PAPLN: variants seen among roughly 807,000 people sequenced by gnomAD.
PAPLN encodes papilin, proteoglycan like sulfated glycoprotein, also known as papilin.
A neutral mutation model predicts 159.0 loss-of-function variants in PAPLN; 146 were observed. The ratio of observed to expected loss-of-function variants is 0.92; its 90% CI spans 0.80 to 1.05. PAPLN has a LOEUF of 1.05. Among genes scored for constraint, PAPLN ranks in the 50% least tolerant of loss-of-function variants. The pLI is 0.00. For synonymous variants in PAPLN, 734 were observed against 702.9 expected, an observed-to-expected ratio of 1.04 and a Z score of -0.70; for missense variants, 1,720 against 1,743.9, an observed-to-expected ratio of 0.99 and a Z score of 0.24.
At position 73,264,351 on chromosome 14, in the gene PAPLN, C is replaced by T. The variant is rs1184827694; in HGVS notation, c.2986+16C>T. 1.2e-6 allele frequency: 2 copies of T among 1,608,914 alleles called. No individual in the cohort carries two copies. The highest frequency in any genetic ancestry group is 1.7e-6 in the Non-Finnish European group (2 of 1,177,004). The stretch of plus-strand genomic sequence containing the variant: ...CGCATCATAGGTCTCTGTCCCCACC[C>T]CATCCACCAGTGCGTTCTCAGGGGC... On this transcript the variant is annotated intron_variant, in intron 21 of 26. Coordinates refer to ENST00000644200, the MANE Select transcript of PAPLN (RefSeq NM_001365906.3).
At chr14:73,264,841 GGGCTCTGGGAGGCCA>G in intron 22 of PAPLN, 115 bp downstream of exon 22, 2 of 1,520,516 alleles carry the variant, frequency 1.3e-6, no homozygotes, top group Non-Finnish European at 8.9e-7. Flanking sequence ...CCCCTGCTCA[GGGCTCTGGGAGGCCA>G]GGCCTAGAAA....
In PAPLN at chr14:73,262,533, G is replaced by C. The variant is rs1357426263; in HGVS notation, c.2429G>C (p.Gly810Ala). 1.3e-6 allele frequency: 2 copies of C among 1,572,360 alleles called. No homozygotes were observed. Among genetic ancestry groups the C allele is most frequent in the Non-Finnish European group, 1.7e-6 (2 of 1,158,366 alleles). Residue 810 changes from glycine (G) to alanine (A), a missense_variant, in exon 19 of 27, where the codon GGG (glycine) becomes GCG (alanine). Physicochemically the swap from Gly to Ala is moderately conservative, Grantham distance 60. Coordinates refer to ENST00000644200, the MANE Select transcript of PAPLN (RefSeq NM_001365906.3). ...CMSSCQGSLHGPRRPQPGASG... is the reference protein window; with the variant it reads ...CMSSCQGSLHAPRRPQPGASG... ...AGCAGCTGCCAGGGATCTCTCCATG[G>C]GCCCCGTCGTCCCCAGCCTGGGGCT...
rs754464711 is a variant in PAPLN at position 73,264,348 on chromosome 14, A to T, written c.2986+13A>T. ...CTTCGCATCATAGGTCTCTGTCCCC[A>T]CCCCATCCACCAGTGCGTTCTCAGG... On this transcript the variant is annotated intron_variant, in intron 21 of 26. Coordinates refer to ENST00000644200, the MANE Select transcript of PAPLN (RefSeq NM_001365906.3). The T allele has an allele frequency of 3.1e-6, 5 of 1,608,670 alleles. No individual in the cohort carries two copies. Among genetic ancestry groups the T allele is most frequent in the Non-Finnish European group, 4.2e-6 (5 of 1,176,912 alleles).
Position 73,245,870 on chromosome 14 carries a change from G to T in PAPLN, c.231+174G>T, listed in dbSNP as rs1326101261. 1.1e-5 allele frequency: 10 copies of T among 936,856 alleles called. No homozygotes were observed. Among genetic ancestry groups the T allele is most frequent in the Non-Finnish European group, 1.6e-5 (10 of 635,914 alleles). 58.0% of individuals were successfully genotyped at this position (936,856 alleles called of 1,614,324 possible). On this transcript the variant is annotated intron_variant, in intron 4 of 26. Transcript: ENST00000644200. The surrounding 1 kb of genome is among the most constrained non-coding windows in gnomAD (Gnocchi z 4.2). ...GCCCCTTCCTCACCCTGCTCCCGGG[G>T]ACTGGCCTTGCCCTCCACAGCCTAG... is the stretch of plus-strand genomic sequence containing the variant.
At chr14:73,254,821 T>G in intron 13 of PAPLN, 56 bp from the exon 14 acceptor site, 7 of 1,600,934 alleles carry the variant, frequency 4.4e-6, no homozygotes, top group Non-Finnish European at 4.3e-6. Flanking sequence ...TCCATGTGGG[T>G]CCCCGCCCCC....
In PAPLN at chr14:73,253,057, G is replaced by C; in HGVS notation, c.1094+282G>C. The C allele has an allele frequency of 2.4e-6, 3 of 1,253,058 alleles. No individual in the cohort carries two copies. The South Asian group carries it at 3.7e-5, about 15-fold the overall frequency. 77.6% of individuals were successfully genotyped at this position (1,253,058 alleles called of 1,614,324 possible). A position where few individuals can be genotyped will look rare whatever the true frequency, so the allele number is the denominator to read the frequency against. On this transcript the variant is annotated intron_variant, in intron 11 of 26. Transcript: ENST00000644200. ...GAGAAGGTTCCAGAGGTCCCTGTCTGTCTGAGCCAGCAGAGGGTTTGGCTT... is the reference window on the plus strand; with the variant it reads ...GAGAAGGTTCCAGAGGTCCCTGTCTCTCTGAGCCAGCAGAGGGTTTGGCTT...
At chr14:73,238,691 A>C (rs1023974972) in intron 1 of PAPLN, among the ~76,000 whole-genome samples, 1 of 152,202 alleles carries the variant, frequency 6.6e-6, no homozygotes, top group Admixed American at 6.5e-5. Flanking sequence ...CTCCAACCCC[A>C]GGAATCTCGA....
chr14:73,248,822 C>T (rs1884904439), intron 5 of PAPLN, among the ~76,000 whole-genome samples: 1 of 149,542 alleles, frequency 6.7e-6, no homozygotes, highest in South Asian at 2.1e-4. Flanking sequence ...ATCTTGTCTC[C>T]AAAAGAAGAA....
chr14:73,250,094 T>G lies in PAPLN; in HGVS notation c.445T>G (p.Cys149Gly), dbSNP rs1416406662. The change falls in exon 6 of 27, where the codon TGT (cysteine) becomes GGT (glycine). Residue 149 changes from cysteine (C) to glycine (G), a missense_variant. By Grantham distance (159) the Cys-to-Gly change is radical. Coordinates refer to ENST00000644200, the MANE Select transcript of PAPLN (RefSeq NM_001365906.3). ...TPCEPGKRDV[C>G]VDGSCRVVGC... ...CTGCGAGCCTGGCAAGAGGGATGTCTGTGTGGATGGCAGCTGCCGGGTGAG... is the reference window on the plus strand; with the variant it reads ...CTGCGAGCCTGGCAAGAGGGATGTCGGTGTGGATGGCAGCTGCCGGGTGAG... 7 of 1,611,064 alleles carry G rather than the reference T, an allele frequency of 4.3e-6. No homozygotes were observed. The highest frequency in any genetic ancestry group is 5.9e-6 in the Non-Finnish European group (7 of 1,178,832).
rs1401613646 is a variant in PAPLN, at chr14:73,245,616, C to T, written c.171-20C>T. On this transcript the variant is annotated intron_variant, in intron 3 of 26. Transcript: ENST00000644200. The surrounding 1 kb of genome is among the most constrained non-coding windows in gnomAD (Gnocchi z 4.2). ...GACGTTGGGTCTCGGTCAGGTCTTC[C>T]CGGTGCTCTGGTCCCGCAGGAGAGA... is the stretch of plus-strand genomic sequence containing the variant. 6.4e-7 allele frequency: 1 copy of T among 1,553,468 alleles called. No individual in the cohort carries two copies. Among genetic ancestry groups the T allele is most frequent in the Non-Finnish European group, 8.7e-7 (1 of 1,149,776 alleles).
chr14:73,248,130 C>T (rs112571855), intron 5 of PAPLN, among the ~76,000 whole-genome samples: 46 of 94,128 alleles, frequency 4.9e-4, no homozygotes, highest in African/African-American at 1.4e-3. Flanking sequence ...TTGTGGGGAT[C>T]GTGGCTGTGG....
Position 73,255,158 on chromosome 14 carries a change from C to G in PAPLN, c.1627+140C>G, listed in dbSNP as rs915925660. 1.0e-5 allele frequency: 13 copies of G among 1,257,302 alleles called. No homozygotes were observed. The African/African-American group carries it at 1.1e-4, about 10-fold the overall frequency. The allele number at this position is 1,257,302 out of a possible 1,614,324, so 77.9% of individuals were successfully genotyped here. ...ACCCCACTTCTCCCATGTCTCCCCC[C>G]GCTGAACCCTTTGCCATCTCTAAGG... is the stretch of plus-strand genomic sequence containing the variant. On this transcript the variant is annotated intron_variant, in intron 14 of 26. Transcript: ENST00000644200.
chr14:73,265,398 G>T lies in PAPLN; in HGVS notation c.3154G>T (p.Val1052Leu). 6.2e-7 allele frequency: 1 copy of T among 1,611,722 alleles called. No individual in the cohort carries two copies. ...RLRLDQNQPR[V>L]VDASPGQRIR... ...GCGTTTGGACCAGAACCAGCCCCGG[G>T]TGGTGGATGCCAGTCCAGGCCAGCG... Residue 1052 changes from valine to leucine, a missense_variant, in exon 23 of 27, where the codon GTG becomes TTG. Coordinates refer to ENST00000644200, the MANE Select transcript of PAPLN (RefSeq NM_001365906.3). The surrounding 1 kb of genome is among the most constrained non-coding windows in gnomAD (Gnocchi z 4.1).
At chr14:73,262,181 T>C in intron 18 of PAPLN, 169 bp from the exon 19 acceptor site, 1 of 702,726 alleles carries the variant, frequency 1.4e-6, no homozygotes, top group Non-Finnish European at 2.4e-6. Flanking sequence ...GGACAGACTC[T>C]GGTGGAAGCA....
rs1327388934 is a variant in PAPLN, at chr14:73,239,621, C to G, written c.-6-152C>G. The G allele has an allele frequency of 5.8e-6, 8 of 1,387,940 alleles. No individual in the cohort carries two copies. The East Asian group carries it at 1.7e-4, about 30-fold the overall frequency. The allele number at this position is 1,387,940 out of a possible 1,614,324, so 86.0% of individuals were successfully genotyped here. A position where few individuals can be genotyped will look rare whatever the true frequency, so the allele number is the denominator to read the frequency against. On this transcript the variant is annotated intron_variant, in intron 1 of 26. Coordinates refer to ENST00000644200, the MANE Select transcript of PAPLN (RefSeq NM_001365906.3). The stretch of plus-strand genomic sequence containing the variant: ...CGGCGGGGCGCCCTCACGCTGTGTT[C>G]TCTGCGGTGCACCGAGGCGCACCCG...
In PAPLN at chr14:73,245,935, G is replaced by T; in HGVS notation, c.232-138G>T. 4.1e-6 allele frequency: 4 copies of T among 968,504 alleles called. No individual in the cohort carries two copies. The East Asian group carries it at 1.1e-4, about 27-fold the overall frequency. The allele number at this position is 968,504 out of a possible 1,614,324, so 60.0% of individuals were successfully genotyped here. On this transcript the variant is annotated intron_variant, in intron 4 of 26. Coordinates refer to ENST00000644200, the MANE Select transcript of PAPLN (RefSeq NM_001365906.3). The surrounding 1 kb of genome is among the most constrained non-coding windows in gnomAD (Gnocchi z 4.2). ...GCACGCACAGGAGTTCGGGGGTCCG[G>T]GGGGCGGACTCCACCTCCGGCGGCT...
rs966891366 is a variant in PAPLN at position 73,272,980 on chromosome 14, ATT to A, written c.*318_*319del. The A allele has an allele frequency of 9.3e-6, 2 of 214,736 alleles. No individual in the cohort carries two copies. The highest frequency in any genetic ancestry group is 2.3e-5 in the African/African-American group (1 of 43,906). 13.3% of individuals were successfully genotyped at this position (214,736 alleles called of 1,614,324 possible). On this transcript the variant is annotated 3_prime_UTR_variant, in exon 27 of 27. Transcript: ENST00000644200. The stretch of plus-strand genomic sequence containing the variant: ...TTGTTACACAGGAATAGTTAAATGC[ATT>A]TGTTTGTTTGTTTTTTGAGACAGAG...
chr14:73,254,002 G>T, intron 12 of PAPLN, 41 bp downstream of exon 12: 1 of 1,572,870 alleles, frequency 6.4e-7, no homozygotes, highest in South Asian at 1.1e-5. Flanking sequence ...CTGGACCTGG[G>T]TAGCAGCAGG....
At chr14:73,267,357 C>T (rs1887329305) in intron 25 of PAPLN, among the ~76,000 whole-genome samples, 1 of 152,122 alleles carries the variant, frequency 6.6e-6, no homozygotes, top group South Asian at 2.1e-4. Flanking sequence ...CTCCTCCTTC[C>T]CTGTAATGTG....
Sources: gnomAD v4.1 joint callset for allele counts (sites outside exome capture counted in the v4.1 genomes callset) on GRCh38, gnomAD v4.1.1 for gene constraint, Gnocchi (gnomAD v3.1) non-coding constraint, MANE v1.5 for transcripts, NCBI Gene and HGNC (gene_info 2026-07-23, HGNC 2026-07-21) for gene names.